Variants in SEMA3A observed in about 807,000 individuals in gnomAD.
SEMA3A encodes the protein semaphorin-3A.
A neutral mutation model predicts 97.9 loss-of-function variants in SEMA3A; 29 were observed. That is an observed-to-expected ratio of 0.30 (90% confidence interval 0.22 to 0.40). The LOEUF is 0.40. SEMA3A is among the 10% of genes least tolerant of loss of function. The probability of loss-of-function intolerance (pLI) is 1.00; values close to 1 mark genes in which losing one functional copy is unlikely to be tolerated. For synonymous variants in SEMA3A, 321 were observed against 323.7 expected (o/e 0.99, Z 0.09); for missense variants, 763 against 951.3 (o/e 0.80, Z 2.60).
At chr7:84,129,023 C>A in intron 3 of SEMA3A, 100 bp downstream of exon 3, 1 of 869,938 alleles carries the variant, frequency 1.1e-6, no homozygotes. Context: ...ACCCCTTCCC[C>A]ACACACACAA....
At chr7:84,232,455 TCACA>T (rs377089583) in intron 3 of SEMA3A, among the ~76,000 whole-genome samples, 1 of 147,700 alleles carries the variant, frequency 6.8e-6, no homozygotes, top group African/African-American at 2.5e-5. Flanking sequence ...TCTCTCTCTG[TCACA>T]CACACACACA....
chr7:84,377,592 T>C (rs922328576), intron 1 of SEMA3A, among the ~76,000 whole-genome samples: 6 of 152,176 alleles, frequency 3.9e-5, no homozygotes, highest in Non-Finnish European at 5.9e-5. Context: ...TCAATGTCTT[T>C]TGTGATATTC....
At chr7:83,976,486 G>T (rs561217342) in intron 15 of SEMA3A, among the ~76,000 whole-genome samples, 1 of 152,164 alleles carries the variant, frequency 6.6e-6, no homozygotes, top group African/African-American at 2.4e-5. Flanking sequence ...TTCAATTATG[G>T]AAAGTGGGGC....
chr7:83,988,749 A>G (rs1349356619), intron 12 of SEMA3A, among the ~76,000 whole-genome samples: 2 of 152,086 alleles, frequency 1.3e-5, no homozygotes, highest in Non-Finnish European at 2.9e-5. Context: ...CATAAAGACA[A>G]TTATGATGAA....
intron 4 of SEMA3A, among the ~76,000 whole-genome samples, chr7:84,104,142 G>T (rs1451481738): frequency 6.6e-5 from 10 of 152,042 alleles, no homozygotes; most frequent in Non-Finnish European, 1.5e-5. Context: ...TATCTGCATT[G>T]ATTTCTGGTG....
At chr7:84,090,764 C>T (rs1485961201) in intron 4 of SEMA3A, among the ~76,000 whole-genome samples, 1 of 151,848 alleles carries the variant, frequency 6.6e-6, no homozygotes. Context: ...AGATACTACA[C>T]TGTAGAAAAT....
At chr7:84,104,581 T>C (rs886765728) in intron 4 of SEMA3A, among the ~76,000 whole-genome samples, 7 of 152,204 alleles carry the variant, frequency 4.6e-5, no homozygotes, top group Non-Finnish European at 8.8e-5. Flanking sequence ...TGAAATGTTT[T>C]AATTAAGGGT....
intron 1 of SEMA3A, among the ~76,000 whole-genome samples, chr7:84,169,749 G>A (rs549926470): frequency 1.2e-4 from 18 of 151,570 alleles, no homozygotes; most frequent in Non-Finnish European, 2.7e-4. Context: ...ATTAAATAAT[G>A]CAATTACAAA....
Position 84,183,472 on chromosome 7 carries a change from AAATTG to A in SEMA3A, c.112+10998_112+11002del, listed in dbSNP as rs1288078785. On this transcript the variant is annotated intron_variant, in intron 1 of 16. Transcript: ENST00000265362. ...TTTTAATCTGAATATATGAAATTTTAAATTGAATATATGAAAAAATACTTTCTGAC... is the reference window on the plus strand; with the variant it reads ...TTTTAATCTGAATATATGAAATTTTAAATATATGAAAAAATACTTTCTGAC... 4.0e-5 allele frequency among the ~76,000 whole-genome samples: 6 copies of A among 151,618 alleles called. 1 individual carries two copies.
At chr7:84,467,632 C>T (rs753869600) in intron 1 of SEMA3A, among the ~76,000 whole-genome samples, 21 of 151,898 alleles carry the variant, frequency 1.4e-4, no homozygotes, top group Middle Eastern at 3.4e-3. Context: ...TATGATCTTG[C>T]CTGTCTACTT....
At chr7:84,039,518 G>T (rs1792058160) in intron 6 of SEMA3A, among the ~76,000 whole-genome samples, 1 of 152,136 alleles carries the variant, frequency 6.6e-6, no homozygotes, top group African/African-American at 2.4e-5. Context: ...GAAAAAGACA[G>T]CAAATTTGAG....
At chr7:84,206,251 A>C (rs1437998164) in intron 3 of SEMA3A, among the ~76,000 whole-genome samples, 1 of 152,192 alleles carries the variant, frequency 6.6e-6, no homozygotes, top group Non-Finnish European at 1.5e-5. Context: ...TTAAGAAAGA[A>C]AGTAAAATAA....
chr7:84,322,291 G>T (rs1322743027), intron 2 of SEMA3A, among the ~76,000 whole-genome samples: 2 of 152,010 alleles, frequency 1.3e-5, no homozygotes, highest in Non-Finnish European at 2.9e-5. Flanking sequence ...AGAATTAAAT[G>T]AATTAATACT....
intron 3 of SEMA3A, among the ~76,000 whole-genome samples, chr7:84,293,156 A>T (rs1800791345): frequency 2.0e-5 from 3 of 152,188 alleles, no homozygotes; most frequent in Middle Eastern, 3.4e-3. Context: ...CATTTTAAAA[A>T]ATGTTTCTAA....
chr7:84,328,540 A>C (rs553121972), intron 2 of SEMA3A, among the ~76,000 whole-genome samples: 4 of 152,176 alleles, frequency 2.6e-5, no homozygotes, highest in East Asian at 1.9e-4. Flanking sequence ...GTAATGCATA[A>C]AATATTTGAA....
intron 1 of SEMA3A, among the ~76,000 whole-genome samples, chr7:84,464,397 G>A (rs1019687310): frequency 6.6e-6 from 1 of 152,174 alleles, no homozygotes; most frequent in African/African-American, 2.4e-5. Flanking sequence ...GCTGAGCTCT[G>A]AAGAATGAAG....
At chr7:84,425,868 ACACACACACC>A (rs773153421) in intron 1 of SEMA3A, among the ~76,000 whole-genome samples, 4,361 of 118,334 alleles carry the variant, frequency 0.037, 218 homozygotes, top group African/African-American at 0.15. Flanking sequence ...ACACACACAC[ACACACACACC>A]CACACACACA....
intron 2 of SEMA3A, among the ~76,000 whole-genome samples, chr7:84,311,861 C>T (rs1584228334): frequency 6.6e-6 from 1 of 151,818 alleles, no homozygotes; most frequent in African/African-American, 2.4e-5. Flanking sequence ...AGATTACAGA[C>T]AATTGTAATG....
Position 84,086,471 on chromosome 7 carries a change from G to GTATTATTATATTATATTTACATA in SEMA3A, c.453+23976_453+23998dup, listed in dbSNP as rs1794353357. On this transcript the variant is annotated intron_variant, in intron 4 of 16. Transcript: ENST00000265362. ...ATATTATTATATTCATATATAATATGTATTATTATATTATATTTACATATA... is the reference window on the plus strand; with the variant it reads ...ATATTATTATATTCATATATAATATGTATTATTATATTATATTTACATATATTATTATATTATATTTACATATA... 1.5e-4 allele frequency among the ~76,000 whole-genome samples: 2 copies of GTATTATTATATTATATTTACATA among 13,006 alleles called. 1 individual carries two copies. The highest frequency in any genetic ancestry group is 4.4e-4 in the African/African-American group (2 of 4,514). The allele number at this position is 13,006 out of a possible 152,430, so 8.5% of individuals were successfully genotyped here. A position where few individuals can be genotyped will look rare whatever the true frequency, so the allele number is the denominator to read the frequency against.
Sources: allele counts gnomAD v4.1 joint callset (sites outside exome capture counted in the v4.1 genomes callset), GRCh38; gene constraint gnomAD v4.1.1; transcripts MANE v1.5; gene names NCBI Gene and HGNC (gene_info 2026-07-23, HGNC 2026-07-21).